Variants in CDH4 observed in about 807,000 individuals in gnomAD.
CDH4 encodes cadherin-4.
CDH4 carries 33 observed loss-of-function variants against 86.0 expected under a neutral mutation model. The observed-to-expected ratio is 0.38, with a 90% confidence interval of 0.29 to 0.51. CDH4 has a LOEUF of 0.51. Among genes scored for constraint, CDH4 ranks in the 20% least tolerant of loss-of-function variants. The pLI, the probability that CDH4 is intolerant of heterozygous loss-of-function variation, is 0.86. For missense variants in CDH4, 1,114 were observed against 1,307.4 expected, an observed-to-expected ratio of 0.85 and a Z score of 2.28; for synonymous variants, 555 against 549.4, an observed-to-expected ratio of 1.01 and a Z score of -0.14.
intron 2 of CDH4, among the ~76,000 whole-genome samples, chr20:61,739,857 A>G (rs6587262): frequency 0.034 from 5,230 of 152,354 alleles, 295 homozygotes; most frequent in African/African-American, 0.12. Flanking sequence ...GGGCCTCTCC[A>G]GCCGACGCCT....
chr20:61,614,543 G>T (rs1286355187), intron 2 of CDH4, among the ~76,000 whole-genome samples: 3 of 152,106 alleles, frequency 2.0e-5, no homozygotes. Flanking sequence ...CCTGCAGTGG[G>T]GGTTGTGTAG....
chr20:61,323,699 T>C (rs1448001692), intron 2 of CDH4, among the ~76,000 whole-genome samples: 2 of 152,090 alleles, frequency 1.3e-5, no homozygotes, highest in Admixed American at 6.5e-5. Flanking sequence ...GTTTCTAGGT[T>C]GGGGCCACAG....
intron 2 of CDH4, among the ~76,000 whole-genome samples, chr20:61,742,128 C>CAA (rs11392988): frequency 7.1e-5 from 10 of 140,134 alleles, no homozygotes; most frequent in Non-Finnish European, 7.9e-5. Context: ...CCTGTCACTT[C>CAA]AAAAAAAAAA....
intron 2 of CDH4, among the ~76,000 whole-genome samples, chr20:61,297,525 C>T (rs1204126176): frequency 1.3e-5 from 2 of 152,250 alleles, no homozygotes; most frequent in Non-Finnish European, 2.9e-5. Flanking sequence ...CCCCATGGTC[C>T]ATCTGTGTCT....
intron 2 of CDH4, among the ~76,000 whole-genome samples, chr20:61,710,895 C>G (rs2087884136): frequency 6.6e-6 from 1 of 152,232 alleles, no homozygotes; most frequent in South Asian, 2.1e-4. Context: ...GGAGAGTGCA[C>G]CAGATTCCTG....
chr20:61,439,355 G>T (rs1421010342), intron 2 of CDH4, among the ~76,000 whole-genome samples: 1 of 152,162 alleles, frequency 6.6e-6, no homozygotes, highest in Admixed American at 6.5e-5. Flanking sequence ...TGGCTCTGAG[G>T]GTTGGCTGGG....
chr20:61,841,426 CT>C (rs1163180952), intron 4 of CDH4, among the ~76,000 whole-genome samples: 1 of 152,220 alleles, frequency 6.6e-6, no homozygotes, highest in African/African-American at 2.4e-5. Context: ...CCCATACCCC[CT>C]CGTGACCAAA....
intron 2 of CDH4, among the ~76,000 whole-genome samples, chr20:61,509,310 A>C (rs1377238466): frequency 6.6e-6 from 1 of 151,814 alleles, no homozygotes; most frequent in African/African-American, 2.4e-5. Context: ...GGACCCGCCC[A>C]CGGAGGGACT....
At chr20:61,662,520 C>T (rs943245996) in intron 2 of CDH4, among the ~76,000 whole-genome samples, 1 of 152,196 alleles carries the variant, frequency 6.6e-6, no homozygotes. Context: ...CTGAAAGGGA[C>T]AGGAGCTGGG....
chr20:61,562,380 C>G (rs2086225182), intron 2 of CDH4, among the ~76,000 whole-genome samples: 1 of 146,294 alleles, frequency 6.8e-6, no homozygotes, highest in Admixed American at 6.8e-5. Context: ...AGAGGTGGAC[C>G]CCAGGGCTCC....
At position 61,807,869 on chromosome 20, in the gene CDH4, G is replaced by A. The variant is rs377167684; in HGVS notation, c.576+34687G>A. ...TGTCGCTTTCGTTAGGTTAGAGGCC[G>A]TCCACTGGGCAGCAGGCTGTGGGCC... On this transcript the variant is annotated intron_variant, in intron 4 of 15. Transcript: ENST00000614565. The surrounding 1 kb of genome is among the most constrained non-coding windows in gnomAD (Gnocchi z 4.5). Among the ~76,000 whole-genome samples the A allele has an allele frequency of 3.6e-4, 55 of 152,322 alleles. No homozygotes were observed. Among genetic ancestry groups the A allele is most frequent in the African/African-American group, 1.0e-3 (42 of 41,572 alleles).
At chr20:61,897,493 G>C (rs1233277530) in intron 8 of CDH4, among the ~76,000 whole-genome samples, 2 of 151,892 alleles carry the variant, frequency 1.3e-5, no homozygotes, top group Non-Finnish European at 2.9e-5. Flanking sequence ...CCAGCCACCA[G>C]CACTGACCAG....
At position 61,647,522 on chromosome 20, in the gene CDH4, A is replaced by AG. The variant is rs2087073474; in HGVS notation, c.170-96041_170-96040insG. 7.7e-5 allele frequency among the ~76,000 whole-genome samples: 5 copies of AG among 65,248 alleles called. 1 individual carries two copies. The highest frequency in any genetic ancestry group is 2.9e-4 in the Admixed American group (2 of 6,996). The allele number at this position is 65,248 out of a possible 152,430, so 42.8% of individuals were successfully genotyped here. A position where few individuals can be genotyped will look rare whatever the true frequency, so the allele number is the denominator to read the frequency against. On this transcript the variant is annotated intron_variant, in intron 2 of 15. Transcript: ENST00000614565. ...GAAAAACACATCAGTATGCACACAC[A>AG]TATTCTCTCTCCCTCTCCCTCTCCC...
intron 2 of CDH4, among the ~76,000 whole-genome samples, chr20:61,381,278 T>G (rs2084899532): frequency 6.6e-6 from 1 of 152,136 alleles, no homozygotes; most frequent in South Asian, 2.1e-4. Flanking sequence ...TTTCTGTAGA[T>G]GATATCACCA....
Position 61,660,997 on chromosome 20 carries a change from G to A in CDH4, c.170-82566G>A, listed in dbSNP as rs1336345903. Among the ~76,000 whole-genome samples the A allele has an allele frequency of 2.0e-5, 3 of 147,052 alleles. No individual in the cohort carries two copies. In the Admixed American group the frequency reaches 2.1e-4, roughly 11 times the overall value. Reference sequence around the variant, plus strand: ...CTGCTCTGAATTGCTACTAAGAGCAGATTCTAAAAAATTCTAGTGGCTTTA... The same window carrying A: ...CTGCTCTGAATTGCTACTAAGAGCAAATTCTAAAAAATTCTAGTGGCTTTA... On this transcript the variant is annotated intron_variant, in intron 2 of 15. Transcript: ENST00000614565.
In CDH4 at chr20:61,934,052, C is replaced by T; in HGVS notation, c.2380-4C>T. ...CCCTGACTCCTCCCGGCTCCCTCCC[C>T]CAGGACTACGACCTCAGCCAGCTGC... On this transcript the variant is annotated splice_polypyrimidine_tract_variant and splice_region_variant and intron_variant, in intron 14 of 15. Coordinates refer to ENST00000614565, the MANE Select transcript of CDH4 (RefSeq NM_001794.5). 9 of 1,610,786 alleles carry T rather than the reference C, an allele frequency of 5.6e-6. No individual in the cohort carries two copies. The highest frequency in any genetic ancestry group is 7.6e-6 in the Non-Finnish European group (9 of 1,179,774).
At chr20:61,768,591 A>G (rs1051410431) in intron 3 of CDH4, among the ~76,000 whole-genome samples, 3 of 152,226 alleles carry the variant, frequency 2.0e-5, no homozygotes, top group Admixed American at 6.5e-5. Context: ...CATTATTTTC[A>G]GTGAGTATAA....
At position 61,526,497 on chromosome 20, in the gene CDH4, T is replaced by C. The variant is rs189924756; in HGVS notation, c.170-217066T>C. On this transcript the variant is annotated intron_variant, in intron 2 of 15. Coordinates refer to ENST00000614565, the MANE Select transcript of CDH4 (RefSeq NM_001794.5). ...CTGGCTTGTTTTTTTTTCTTTCTTT[T>C]TTTTTAATTTATTATTATACCTTAA... Among the ~76,000 whole-genome samples, 206 of 152,218 alleles carry C rather than the reference T, an allele frequency of 1.4e-3. 1 individual carries two copies. Among genetic ancestry groups the C allele is most frequent in the African/African-American group, 4.7e-3 (197 of 41,502 alleles).
chr20:61,331,657 A>T (rs1600873072), intron 2 of CDH4, among the ~76,000 whole-genome samples: 1 of 7,048 alleles, frequency 1.4e-4, no homozygotes, highest in Non-Finnish European at 3.1e-4. Context: ...CGCCCCAGCC[A>T]CCTGCCCCAG....
Sources: gnomAD v4.1 joint callset for allele counts (sites outside exome capture counted in the v4.1 genomes callset) on GRCh38, gnomAD v4.1.1 for gene constraint, Gnocchi (gnomAD v3.1) non-coding constraint, MANE v1.5 for transcripts, NCBI Gene and HGNC (gene_info 2026-07-23, HGNC 2026-07-21) for gene names.